Variants in GALNT13 observed in about 807,000 individuals in gnomAD.
GALNT13 encodes UDP-GalNAc:polypeptide N-acetylgalactosaminyltransferase 13.
In GALNT13, 28 loss-of-function variants were observed where a neutral mutation model predicts 64.2. That is an observed-to-expected ratio of 0.44 (90% CI 0.32 to 0.60). GALNT13 has a LOEUF of 0.60. Ranked by LOEUF, GALNT13 falls within the 20% of genes least tolerant of loss-of-function variation. GALNT13 has a pLI of 0.05. For missense variants in GALNT13, 577 were observed against 669.8 expected (o/e 0.86, Z 1.53); for synonymous variants, 214 against 224.6 (o/e 0.95, Z 0.42).
chr2:153,763,423 C>T, the GALNT13 span, among the ~76,000 whole-genome samples: 8 of 152,210 alleles, frequency 5.3e-5, no homozygotes, highest in African/African-American at 1.9e-4. Context: ...ATAATTGAAT[C>T]ATGGGGGCAG....
chr2:154,432,169 C>G (rs1188551279), intron 11 of GALNT13, among the ~76,000 whole-genome samples: 1 of 152,000 alleles, frequency 6.6e-6, no homozygotes, highest in African/African-American at 2.4e-5. Flanking sequence ...CAGGAAATCA[C>G]CTAGTCACAT....
intron 3 of GALNT13, among the ~76,000 whole-genome samples, chr2:154,106,767 A>G (rs1702639098): frequency 6.6e-6 from 1 of 151,954 alleles, no homozygotes; most frequent in Non-Finnish European, 1.5e-5. Context: ...ATAATTATAT[A>G]TATTTATGGG....
At chr2:153,994,913 T>G (rs2105201011) in intron 3 of GALNT13, among the ~76,000 whole-genome samples, 1 of 152,278 alleles carries the variant, frequency 6.6e-6, no homozygotes, top group Admixed American at 6.5e-5. Flanking sequence ...GCAGAAGCTT[T>G]TTAGTTTAGT....
the GALNT13 span, among the ~76,000 whole-genome samples, chr2:153,608,069 A>G: frequency 6.6e-6 from 1 of 152,134 alleles, no homozygotes; most frequent in African/African-American, 2.4e-5. Context: ...ATTTTTCTGA[A>G]TAAGCATCAG....
the GALNT13 span, among the ~76,000 whole-genome samples, chr2:153,686,257 A>G: frequency 6.6e-6 from 1 of 151,960 alleles, no homozygotes; most frequent in African/African-American, 2.4e-5. Context: ...TTTTCACAAT[A>G]TTGATTCTTC....
intron 3 of GALNT13, among the ~76,000 whole-genome samples, chr2:153,973,792 T>G (rs1384605331): frequency 6.6e-6 from 1 of 151,996 alleles, no homozygotes; most frequent in Non-Finnish European, 1.5e-5. Context: ...TTTAAGTAAG[T>G]TTTTTAGGTT....
At chr2:153,879,015 C>T (rs1418883922) in intron 1 of GALNT13, among the ~76,000 whole-genome samples, 2 of 152,166 alleles carry the variant, frequency 1.3e-5, no homozygotes, top group Admixed American at 1.3e-4. Flanking sequence ...TACAGAGTCT[C>T]ATTTAACTGG....
intron 9 of GALNT13, among the ~76,000 whole-genome samples, chr2:154,342,640 T>G (rs1023264392): frequency 1.3e-5 from 2 of 152,078 alleles, no homozygotes; most frequent in African/African-American, 4.8e-5. Flanking sequence ...TTTGTTTCTG[T>G]GTTATGTATG....
chr2:153,154,766 T>G, the GALNT13 span, among the ~76,000 whole-genome samples: 1 of 152,196 alleles, frequency 6.6e-6, no homozygotes, highest in Non-Finnish European at 1.5e-5. Flanking sequence ...TCCAATTCTA[T>G]GTTGAATAGG....
intron 8 of GALNT13, among the ~76,000 whole-genome samples, chr2:154,261,987 A>G (rs982804892): frequency 6.6e-6 from 1 of 152,174 alleles, no homozygotes; most frequent in African/African-American, 2.4e-5. Context: ...AATACATTGC[A>G]AAGACTTATT....
At chr2:153,561,176 A>ATT in the GALNT13 span, among the ~76,000 whole-genome samples, 580 of 150,454 alleles carry the variant, frequency 3.9e-3, 1 homozygote, top group African/African-American at 0.012. Context: ...ACTTTTATTG[A>ATT]TTTTTTTTTG....
chr2:153,399,337 T>C, the GALNT13 span, among the ~76,000 whole-genome samples: 1 of 152,250 alleles, frequency 6.6e-6, no homozygotes, highest in Admixed American at 6.5e-5. Flanking sequence ...CCTTGTAGTA[T>C]AGTTTGAAGT....
At chr2:153,894,426 T>C (rs1330253955) in intron 1 of GALNT13, among the ~76,000 whole-genome samples, 1 of 152,116 alleles carries the variant, frequency 6.6e-6, no homozygotes, top group Admixed American at 6.6e-5. Context: ...TGTTTAAATA[T>C]TGGTTGTGTA....
intron 9 of GALNT13, among the ~76,000 whole-genome samples, chr2:154,306,913 C>T (rs1451456594): frequency 6.6e-6 from 1 of 152,028 alleles, no homozygotes; most frequent in African/African-American, 2.4e-5. Flanking sequence ...AATTTTTCAT[C>T]TTGTGGCTAA....
At chr2:153,644,342 A>G in the GALNT13 span, among the ~76,000 whole-genome samples, 1 of 152,084 alleles carries the variant, frequency 6.6e-6, no homozygotes. Flanking sequence ...TTTCCTCCTG[A>G]ATAATGAAAA....
chr2:154,146,691 G>A (rs746836835), intron 4 of GALNT13, among the ~76,000 whole-genome samples: 3 of 152,044 alleles, frequency 2.0e-5, no homozygotes, highest in Non-Finnish European at 4.4e-5. Context: ...ATACCAGGAG[G>A]AGAAGAGCAA....
the GALNT13 span, among the ~76,000 whole-genome samples, chr2:153,763,111 A>G: frequency 6.6e-6 from 1 of 152,040 alleles, no homozygotes; most frequent in Non-Finnish European, 1.5e-5. Context: ...AATTTTACCT[A>G]TTGTTGTTTT....
chr2:154,148,659 C>A (rs1683774777), intron 4 of GALNT13, among the ~76,000 whole-genome samples: 1 of 152,258 alleles, frequency 6.6e-6, no homozygotes, highest in South Asian at 2.1e-4. Context: ...TTTTGATTTG[C>A]ATTTCTCTGA....
At chr2:153,668,666 G>A in the GALNT13 span, among the ~76,000 whole-genome samples, 5 of 152,046 alleles carry the variant, frequency 3.3e-5, no homozygotes, top group Admixed American at 3.3e-4. Context: ...TGTGTTCCTG[G>A]CCCCCACCTA....
Sources: allele counts gnomAD v4.1 joint callset (sites outside exome capture counted in the v4.1 genomes callset), GRCh38; gene constraint gnomAD v4.1.1; transcripts MANE v1.5; gene names NCBI Gene and HGNC (gene_info 2026-07-23, HGNC 2026-07-21).